Variants in DAPK2 observed in about 807,000 individuals in gnomAD.
DAPK2 encodes the protein death associated protein kinase 2.
Under a neutral mutation model 44.1 loss-of-function variants are expected in DAPK2, and 35 were observed. That is an observed-to-expected ratio of 0.79 (90% CI 0.61 to 1.05). DAPK2 has a LOEUF of 1.05. DAPK2 is among the 50% of genes least tolerant of loss of function. The pLI, the probability that DAPK2 is intolerant of heterozygous loss-of-function variation, is 0.00. For synonymous variants in DAPK2, 174 were observed against 182.6 expected (o/e 0.95, Z 0.38); for missense variants, 453 against 483.2 (o/e 0.94, Z 0.59).
At chr15:64,042,262 C>G (rs1170644189), upstream of DAPK2, among the ~76,000 whole-genome samples, 1 of 152,130 alleles carries the variant, frequency 6.6e-6, no homozygotes, top group Non-Finnish European at 1.5e-5. The surrounding 1 kb of genome is among the most constrained non-coding windows in gnomAD (Gnocchi z 4.7). Flanking sequence ...TAATCAGAAG[C>G]TCGACGCCCC....
At position 63,939,380 on chromosome 15, in the gene DAPK2, A is replaced by G. The variant is rs75862994; in HGVS notation, c.454-19T>C. 4 of 808,624 alleles carry G rather than the reference A, an allele frequency of 4.9e-6. No individual in the cohort carries two copies. Among genetic ancestry groups the G allele is most frequent in the Non-Finnish European group, 6.7e-6 (4 of 592,772 alleles). The allele number at this position is 808,624 out of a possible 1,614,324, so 50.1% of individuals were successfully genotyped here. ...TTTCTGGCTGGACAACAAAAAGTAG[A>G]AAAAAAAAAAAGGAAGGAAGAAAAG... On this transcript the variant is annotated intron_variant, in intron 3 of 10. Coordinates refer to ENST00000261891, the Ensembl canonical transcript of DAPK2. The surrounding 1 kb of genome is among the most constrained non-coding windows in gnomAD (Gnocchi z 4.3).
chr15:63,932,507 T>TA (rs1256308852), intron 4 of DAPK2: 1 of 141,732 alleles, frequency 7.1e-6, no homozygotes, highest in Non-Finnish European at 1.5e-5. Flanking sequence ...TACAAAGAAG[T>TA]AGAGGTAAGA....
intron 8 of DAPK2, chr15:63,921,453 T>TGCCCCTACCC (rs1567202518): frequency 6.6e-6 from 1 of 152,236 alleles, no homozygotes; most frequent in Non-Finnish European, 1.5e-5. Flanking sequence ...CTTTGAACTA[T>TGCCCCTACCC]ACAAGTTATG....
At chr15:64,029,235 T>A (rs1314262003) in intron 1 of DAPK2, among the ~76,000 whole-genome samples, 1 of 151,636 alleles carries the variant, frequency 6.6e-6, no homozygotes, top group Admixed American at 6.6e-5. Context: ...AGCTTCTAAC[T>A]CAAGCGTGTG....
chr15:63,922,688 T>C (rs2079110419), intron 8 of DAPK2: 3 of 1,473,922 alleles, frequency 2.0e-6, no homozygotes, highest in Admixed American at 4.6e-5. Flanking sequence ...GATGAGAACA[T>C]GCTTCTGCAA....
At chr15:63,956,628 C>A (rs1233109358) in intron 3 of DAPK2, among the ~76,000 whole-genome samples, 1 of 151,912 alleles carries the variant, frequency 6.6e-6, no homozygotes, top group Non-Finnish European at 1.5e-5. Flanking sequence ...ACTCCGTCGC[C>A]CAGGCTGGAG....
intron 3 of DAPK2, among the ~76,000 whole-genome samples, chr15:63,970,011 A>G (rs1456314760): frequency 6.6e-6 from 1 of 152,108 alleles, no homozygotes; most frequent in East Asian, 1.9e-4. Context: ...CAATCCTCAG[A>G]TTGACCTCTG....
chr15:63,967,573 C>T (rs989388899), intron 3 of DAPK2, among the ~76,000 whole-genome samples: 6 of 152,078 alleles, frequency 3.9e-5, no homozygotes, highest in African/African-American at 1.4e-4. Flanking sequence ...CACCTGTAAT[C>T]CCAGCTACTA....
At chr15:64,040,948 G>A (rs2080340133), upstream of DAPK2, among the ~76,000 whole-genome samples, 1 of 149,526 alleles carries the variant, frequency 6.7e-6, no homozygotes, top group African/African-American at 2.5e-5. Flanking sequence ...AGAAGTCCTA[G>A]GTACAAGCCC....
At chr15:63,927,395 C>T (rs1349811825) in intron 6 of DAPK2, among the ~76,000 whole-genome samples, 3 of 152,226 alleles carry the variant, frequency 2.0e-5, no homozygotes, top group African/African-American at 7.2e-5. Flanking sequence ...CCTCCACCCA[C>T]AGAATTAACT....
chr15:63,908,128 G>C lies in DAPK2; in HGVS notation c.*392C>G, dbSNP rs987938136. Reference sequence around the variant, plus strand: ...ATGGGGAGGACTCTGTCTCTCTGGTGTAATTTTTGGCCAGGCTGGTTCTGA... The same window carrying C: ...ATGGGGAGGACTCTGTCTCTCTGGTCTAATTTTTGGCCAGGCTGGTTCTGA... On this transcript the variant is annotated 3_prime_UTR_variant, in exon 11 of 11. Coordinates refer to ENST00000261891, the Ensembl canonical transcript of DAPK2. The surrounding 1 kb of genome is among the most constrained non-coding windows in gnomAD (Gnocchi z 5.7). The C allele has an allele frequency of 5.1e-4, 80 of 156,306 alleles. No individual in the cohort carries two copies. Among genetic ancestry groups the C allele is most frequent in the Non-Finnish European group, 2.4e-4 (17 of 71,008 alleles). The allele number at this position is 156,306 out of a possible 1,614,324, so 9.7% of individuals were successfully genotyped here.
At chr15:63,957,427 T>C (rs1180937170) in intron 3 of DAPK2, among the ~76,000 whole-genome samples, 2 of 152,098 alleles carry the variant, frequency 1.3e-5, no homozygotes, top group Admixed American at 1.3e-4. Context: ...TACATATGTA[T>C]ACATGTGCCA....
At chr15:63,921,899 C>T (rs1340001330) in intron 8 of DAPK2, 2 of 152,172 alleles carry the variant, frequency 1.3e-5, no homozygotes, top group Non-Finnish European at 2.9e-5. Context: ...TGGGACAGAG[C>T]TCCTGGGACA....
chr15:64,034,354 C>G (rs990712087), intron 1 of DAPK2, among the ~76,000 whole-genome samples: 7 of 152,198 alleles, frequency 4.6e-5, no homozygotes, highest in African/African-American at 9.7e-5. Context: ...CTGTCTACCC[C>G]CTGCCCCCAT....
chr15:63,928,858 A>G (rs2079403966), intron 6 of DAPK2, among the ~76,000 whole-genome samples: 1 of 152,176 alleles, frequency 6.6e-6, no homozygotes, highest in African/African-American at 2.4e-5. Context: ...GAAAGAAAGA[A>G]GAGGCAAGAT....
In DAPK2 at chr15:63,923,372, A is replaced by C; in HGVS notation, c.858+1444T>G. The C allele has an allele frequency of 6.6e-7, 1 of 1,525,490 alleles. No homozygotes were observed. Among genetic ancestry groups the C allele is most frequent in the Non-Finnish European group, 8.8e-7 (1 of 1,139,516 alleles). The allele number at this position is 1,525,490 out of a possible 1,614,324, so 94.5% of individuals were successfully genotyped here. ...GTGGGTGTTCAGACAGAAGAATCAG[A>C]GTGTTAATTTGCCGCCCACCCCAGA... On this transcript the variant is annotated intron_variant, in intron 8 of 10. Transcript: ENST00000261891. The surrounding 1 kb of genome is among the most constrained non-coding windows in gnomAD (Gnocchi z 4.2).
At chr15:63,981,616 G>A (rs937463709) in intron 2 of DAPK2, among the ~76,000 whole-genome samples, 1 of 151,988 alleles carries the variant, frequency 6.6e-6, no homozygotes, top group Non-Finnish European at 1.5e-5. Flanking sequence ...TGTTTGGGTT[G>A]TAGGATTATA....
Position 63,908,762 on chromosome 15 carries a change from G to A in DAPK2, c.1033-162C>T. On this transcript the variant is annotated intron_variant, in intron 10 of 10. Transcript: ENST00000261891. The surrounding 1 kb of genome is among the most constrained non-coding windows in gnomAD (Gnocchi z 5.7). ...CTGCTGATCCATCCAGGGGCTGGGG[G>A]ATGGGAGGGATCTGAAACGAGGCCA... The A allele has an allele frequency of 6.2e-6, 3 of 483,396 alleles. No homozygotes were observed. Among genetic ancestry groups the A allele is most frequent in the East Asian group, 3.5e-5 (1 of 28,354 alleles). The allele number at this position is 483,396 out of a possible 1,614,324, so 29.9% of individuals were successfully genotyped here.
chr15:63,929,630 A>G (rs2079455887), intron 5 of DAPK2, 53 bp from the exon 7 acceptor site: 7 of 1,610,464 alleles, frequency 4.3e-6, no homozygotes, highest in Non-Finnish European at 4.2e-6. Flanking sequence ...ATCCCCGACC[A>G]GCAAGGGACA....
Sources: allele counts gnomAD v4.1 joint callset (sites outside exome capture counted in the v4.1 genomes callset), GRCh38; gene constraint gnomAD v4.1.1; non-coding constraint Gnocchi (gnomAD v3.1); transcripts MANE v1.5; gene names NCBI Gene and HGNC (gene_info 2026-07-23, HGNC 2026-07-21).